Variants in GALNT11 observed in about 807,000 individuals in gnomAD.
GALNT11 encodes UDP-GalNAc:polypeptide N-acetylgalactosaminyltransferase 11.
GALNT11 carries 47 observed loss-of-function variants against 72.7 expected under a neutral mutation model. That is an observed-to-expected ratio of 0.65 (90% CI 0.51 to 0.82). The LOEUF (loss-of-function observed/expected upper bound fraction) is 0.82, where lower values mean the gene tolerates loss of function less well. Ranked by LOEUF, GALNT11 falls within the 40% of genes least tolerant of loss-of-function variation. GALNT11 has a pLI of 0.00. For synonymous variants in GALNT11, 270 were observed against 286.6 expected (o/e 0.94, Z 0.58); for missense variants, 677 against 778.4 (o/e 0.87, Z 1.55).
Position 152,038,324 on chromosome 7 carries a change from T to C in GALNT11, c.-39+12440T>C, listed in dbSNP as rs2082685560. On this transcript the variant is annotated intron_variant, in intron 1 of 11. Transcript: ENST00000430044. ...TAAGATTTACTATAAGTATTCCTTATGGGAAATAAAGGGATGGGCAGAAAT... is the reference window on the plus strand; with the variant it reads ...TAAGATTTACTATAAGTATTCCTTACGGGAAATAAAGGGATGGGCAGAAAT... Among the ~76,000 whole-genome samples, 4 of 152,194 alleles carry C rather than the reference T, an allele frequency of 2.6e-5. No homozygotes were observed. The South Asian group carries it at 8.3e-4, about 32-fold the overall frequency.
chr7:152,087,037 T>C (rs1025067999), intron 1 of GALNT11, among the ~76,000 whole-genome samples: 2 of 151,314 alleles, frequency 1.3e-5, no homozygotes, highest in African/African-American at 4.9e-5. Flanking sequence ...TTTTTTTCAT[T>C]TATTAACAAA....
chr7:152,045,840 C>A (rs1461091569), intron 1 of GALNT11, among the ~76,000 whole-genome samples: 1 of 140,008 alleles, frequency 7.1e-6, no homozygotes, highest in Non-Finnish European at 1.5e-5. Flanking sequence ...TTTCCTCTTG[C>A]TTTTCTTCTT....
rs551919819 is a variant in GALNT11, at chr7:152,036,228, G to A, written c.-39+10344G>A. On this transcript the variant is annotated intron_variant, in intron 1 of 11. Transcript: ENST00000430044. ...AACTATATTTTTGTATACATTAACT[G>A]TCTCTCCCCTCACTCCCTTCTCAGC... Among the ~76,000 whole-genome samples, 106 of 151,970 alleles carry A rather than the reference G, an allele frequency of 7.0e-4. 1 individual carries two copies. The highest frequency in any genetic ancestry group is 2.5e-3 in the African/African-American group (103 of 41,420).
intron 1 of GALNT11, among the ~76,000 whole-genome samples, chr7:152,064,375 A>G (rs1371355481): frequency 1.3e-5 from 2 of 152,158 alleles, no homozygotes; most frequent in Non-Finnish European, 2.9e-5. Flanking sequence ...GGTCTCCTGA[A>G]TATAGCACAC....
intron 1 of GALNT11, among the ~76,000 whole-genome samples, chr7:152,040,776 G>A (rs1329147366): frequency 1.3e-5 from 2 of 152,156 alleles, no homozygotes; most frequent in East Asian, 1.9e-4. Context: ...TTACAGCTAC[G>A]AGCTCTGCTT....
rs149438060 is a variant in GALNT11, at chr7:152,108,121, C to T, written c.796C>T (p.Arg266Trp). 19 of 1,613,892 alleles carry T rather than the reference C, an allele frequency of 1.2e-5. No individual in the cohort carries two copies. Among genetic ancestry groups the T allele is most frequent in the Admixed American group, 1.2e-4 (7 of 60,006 alleles). ...CTTGCTGGCCGCCATCCGTGAGGAC[C>T]GGCACACCGTGGTGTGCCCAGTGAT... ...QPLLAAIREDRHTVVCPVIDI... is the reference protein window; with the variant it reads ...QPLLAAIREDWHTVVCPVIDI... Residue 266 changes from arginine to tryptophan, a missense_variant, in exon 6 of 12, where the codon CGG (arginine) becomes TGG (tryptophan). Arg to Trp is a moderately radical substitution (Grantham distance 101, BLOSUM62 -3). Coordinates refer to ENST00000430044, the MANE Select transcript of GALNT11 (RefSeq NM_022087.4).
At chr7:152,050,814 C>A (rs895130187) in intron 1 of GALNT11, among the ~76,000 whole-genome samples, 3 of 152,218 alleles carry the variant, frequency 2.0e-5, no homozygotes, top group African/African-American at 7.2e-5. Context: ...CCAGGATGGG[C>A]AATTCCCCTC....
intron 1 of GALNT11, among the ~76,000 whole-genome samples, chr7:152,060,307 G>T (rs1172024712): frequency 6.6e-6 from 1 of 152,176 alleles, no homozygotes; most frequent in Non-Finnish European, 1.5e-5. Context: ...TATCCGCATT[G>T]ATGCTGTGTC....
At chr7:152,079,766 C>T (rs1364636460) in intron 1 of GALNT11, among the ~76,000 whole-genome samples, 3 of 152,162 alleles carry the variant, frequency 2.0e-5, no homozygotes, top group Non-Finnish European at 2.9e-5. Flanking sequence ...GTTGTCATCA[C>T]CTGGTAATTT....
At chr7:152,050,946 CTCCCCCAAACACAGAGA>C (rs1398531686) in intron 1 of GALNT11, among the ~76,000 whole-genome samples, 2 of 152,120 alleles carry the variant, frequency 1.3e-5, no homozygotes, top group African/African-American at 4.8e-5. Context: ...TGCCCTCTCC[CTCCCCCAAACACAGAGA>C]TTCTCTTTCT....
intron 1 of GALNT11, among the ~76,000 whole-genome samples, chr7:152,060,111 G>A (rs1306142436): frequency 6.6e-6 from 1 of 152,150 alleles, no homozygotes; most frequent in Non-Finnish European, 1.5e-5. Flanking sequence ...CTTTTATGTT[G>A]TGGAGATGAT....
At chr7:152,111,866 A>G (rs1308071113) in intron 7 of GALNT11, among the ~76,000 whole-genome samples, 1 of 152,114 alleles carries the variant, frequency 6.6e-6, no homozygotes, top group Non-Finnish European at 1.5e-5. Flanking sequence ...TTCCCATTGT[A>G]CTTTCAGAAA....
chr7:152,031,700 C>T (rs963936547), intron 1 of GALNT11, among the ~76,000 whole-genome samples: 3 of 152,198 alleles, frequency 2.0e-5, no homozygotes, highest in African/African-American at 7.2e-5. Flanking sequence ...TCCCTGCTCT[C>T]TCTGTGATGT....
intron 1 of GALNT11, among the ~76,000 whole-genome samples, chr7:152,028,928 A>G (rs1358795950): frequency 6.6e-6 from 1 of 152,226 alleles, no homozygotes; most frequent in Non-Finnish European, 1.5e-5. Context: ...TAGAGGAAAC[A>G]AATTTGAAAA....
At chr7:152,120,173 A>G (rs1401991281) in intron 10 of GALNT11, 1 of 152,412 alleles carries the variant, frequency 6.6e-6, no homozygotes, top group African/African-American at 2.4e-5. Flanking sequence ...GACACAGGCT[A>G]TGAGACAATA....
At chr7:152,030,549 G>A (rs1019799308) in intron 1 of GALNT11, among the ~76,000 whole-genome samples, 3 of 152,182 alleles carry the variant, frequency 2.0e-5, no homozygotes, top group Non-Finnish European at 2.9e-5. Flanking sequence ...GGAACAGCTC[G>A]TGCCCTCAGT....
intron 8 of GALNT11, among the ~76,000 whole-genome samples, chr7:152,114,069 T>C (rs2088580342): frequency 6.6e-6 from 1 of 151,974 alleles, no homozygotes; most frequent in South Asian, 2.1e-4. Flanking sequence ...AGGCCTGGCC[T>C]TTTCTTTTAC....
intron 1 of GALNT11, among the ~76,000 whole-genome samples, chr7:152,033,093 C>T (rs1357985732): frequency 6.6e-6 from 1 of 152,194 alleles, no homozygotes; most frequent in East Asian, 1.9e-4. Flanking sequence ...TGAGCTGGCG[C>T]TTGCCCGAGG....
intron 1 of GALNT11, among the ~76,000 whole-genome samples, chr7:152,091,691 T>G (rs1171550985): frequency 6.6e-6 from 1 of 152,148 alleles, no homozygotes; most frequent in African/African-American, 2.4e-5. Flanking sequence ...GAGGAAAGTT[T>G]CAACTTAGAC....
Sources: allele counts gnomAD v4.1 joint callset (sites outside exome capture counted in the v4.1 genomes callset), GRCh38; gene constraint gnomAD v4.1.1; transcripts MANE v1.5; gene names NCBI Gene and HGNC (gene_info 2026-07-23, HGNC 2026-07-21).